GALNT1: variants seen among roughly 807,000 people sequenced by gnomAD.
GALNT1 encodes the protein polypeptide N-acetylgalactosaminyltransferase 1, also known as GalNAc transferase 1.
GALNT1 carries 17 observed loss-of-function variants against 65.7 expected under a neutral mutation model. That is an observed-to-expected ratio of 0.26 (90% confidence interval 0.18 to 0.39). The LOEUF is 0.39. GALNT1 is among the 10% of genes least tolerant of loss of function. The pLI, the probability that GALNT1 is intolerant of heterozygous loss-of-function variation, is 1.00. For synonymous variants in GALNT1, 210 were observed against 219.7 expected (o/e 0.96, Z 0.39); for missense variants, 460 against 672.8 (o/e 0.68, Z 3.50).
chr18:35,648,748 A>G (rs1289512614), intron 1 of GALNT1, among the ~76,000 whole-genome samples: 2 of 152,148 alleles, frequency 1.3e-5, no homozygotes, highest in Non-Finnish European at 2.9e-5. Flanking sequence ...GTTGATTGAG[A>G]TTGAATTTAT....
chr18:35,674,707 A>G (rs1410003159), intron 3 of GALNT1, among the ~76,000 whole-genome samples: 1 of 152,124 alleles, frequency 6.6e-6, no homozygotes, highest in South Asian at 2.1e-4. Flanking sequence ...AAACTGGCGG[A>G]GTGCAGTGGC....
upstream of GALNT1, chr18:35,581,726 G>A (rs1156388168): frequency 7.6e-5 from 11 of 144,002 alleles, no homozygotes; most frequent in East Asian, 1.7e-3. Context: ...CCGCCCGCCG[G>A]GGGAGCCGCC....
At position 35,601,549 on chromosome 18, in the gene GALNT1, A is replaced by C. The variant is rs564324984; in HGVS notation, c.-104+19687A>C. Among the ~76,000 whole-genome samples, 3 of 151,790 alleles carry C rather than the reference A, an allele frequency of 2.0e-5. No individual in the cohort carries two copies. In the South Asian group the frequency reaches 6.3e-4, roughly 32 times the overall value. ...TAGGTTGTTTATTTGAAATCTTTCTACTGTTTTGATGTAGATGTTTATTTC... is the reference window on the plus strand; with the variant it reads ...TAGGTTGTTTATTTGAAATCTTTCTCCTGTTTTGATGTAGATGTTTATTTC... On this transcript the variant is annotated intron_variant, in intron 1 of 11. Transcript: ENST00000269195.
intron 1 of GALNT1, among the ~76,000 whole-genome samples, chr18:35,620,559 C>T (rs1315927009): frequency 1.3e-5 from 2 of 152,148 alleles, no homozygotes; most frequent in African/African-American, 4.8e-5. Context: ...GTATTATCCT[C>T]ATGCATATTA....
At chr18:35,671,047 A>T (rs1288812929) in intron 3 of GALNT1, among the ~76,000 whole-genome samples, 1 of 152,204 alleles carries the variant, frequency 6.6e-6, no homozygotes. Context: ...AAATATCTTT[A>T]TGATCTTGGG....
chr18:35,629,306 G>A (rs933888982), intron 1 of GALNT1, among the ~76,000 whole-genome samples: 3 of 152,156 alleles, frequency 2.0e-5, no homozygotes, highest in African/African-American at 7.2e-5. Flanking sequence ...AATATTAAGG[G>A]CAGCCAGAGA....
intron 1 of GALNT1, among the ~76,000 whole-genome samples, chr18:35,621,875 A>G (rs1489276164): frequency 6.6e-6 from 1 of 152,200 alleles, no homozygotes; most frequent in East Asian, 1.9e-4. Flanking sequence ...TCTCTGTCAT[A>G]TATGAAGTTT....
intron 11 of GALNT1, among the ~76,000 whole-genome samples, chr18:35,704,435 A>G (rs2048220110): frequency 6.6e-6 from 1 of 151,290 alleles, no homozygotes. Flanking sequence ...CAGCCTCTAG[A>G]GGAGCTGGGA....
chr18:35,615,634 A>C (rs1374288476), intron 1 of GALNT1, among the ~76,000 whole-genome samples: 1 of 152,204 alleles, frequency 6.6e-6, no homozygotes, highest in Non-Finnish European at 1.5e-5. Flanking sequence ...ATACACAAGT[A>C]GAATATATTT....
intron 2 of GALNT1, among the ~76,000 whole-genome samples, chr18:35,656,102 TC>T (rs1477188047): frequency 1.1e-4 from 16 of 152,374 alleles, no homozygotes; most frequent in African/African-American, 3.8e-4. Context: ...GTATTACGAT[TC>T]ATCAGTCAGA....
intron 3 of GALNT1, among the ~76,000 whole-genome samples, chr18:35,674,712 A>G (rs970077107): frequency 5.9e-5 from 9 of 152,174 alleles, no homozygotes; most frequent in Non-Finnish European, 7.4e-5. Context: ...GGCGGAGTGC[A>G]GTGGCTCACG....
intron 1 of GALNT1, among the ~76,000 whole-genome samples, chr18:35,641,525 A>T (rs12959887): frequency 1.3e-5 from 2 of 152,194 alleles, no homozygotes; most frequent in African/African-American, 4.8e-5. Context: ...CAAGAAAAAC[A>T]CAAAACAACA....
chr18:35,653,801 G>A (rs1202357889), intron 1 of GALNT1, among the ~76,000 whole-genome samples: 1 of 152,206 alleles, frequency 6.6e-6, no homozygotes, highest in Non-Finnish European at 1.5e-5. Context: ...GGAGGTAGTA[G>A]GGTGGGAAAT....
chr18:35,625,886 G>T (rs914277905), intron 1 of GALNT1, among the ~76,000 whole-genome samples: 21 of 152,100 alleles, frequency 1.4e-4, no homozygotes, highest in African/African-American at 5.1e-4. Context: ...AGTATGAGAA[G>T]AAATTAGTAA....
rs139230890 is a variant in GALNT1 at position 35,640,956 on chromosome 18, T to C, written c.-103-13604T>C. Among the ~76,000 whole-genome samples, 68 of 152,346 alleles carry C rather than the reference T, an allele frequency of 4.5e-4. No individual in the cohort carries two copies. In the East Asian group the frequency reaches 0.013, roughly 28 times the overall value. ...TAATGATTTCTAGATAGAGAAGATT[T>C]TCTTAAAACATAGAAAATATGAACC... On this transcript the variant is annotated intron_variant, in intron 1 of 11. Transcript: ENST00000269195.
chr18:35,632,764 A>G (rs1033744199), intron 1 of GALNT1, among the ~76,000 whole-genome samples: 5 of 152,200 alleles, frequency 3.3e-5, no homozygotes, highest in Admixed American at 6.5e-5. Context: ...TGAACAGGCA[A>G]CCTACAGAAT....
chr18:35,677,023 C>G (rs1598803173), intron 3 of GALNT1, among the ~76,000 whole-genome samples: 1 of 152,184 alleles, frequency 6.6e-6, no homozygotes, highest in Admixed American at 6.5e-5. Context: ...GTTGGAACAG[C>G]AGGGCATGGG....
intron 9 of GALNT1, among the ~76,000 whole-genome samples, chr18:35,695,855 A>G (rs1301768650): frequency 6.6e-6 from 1 of 151,898 alleles, no homozygotes; most frequent in Non-Finnish European, 1.5e-5. Context: ...TCTAGCAGTC[A>G]CTCTGCAGCT....
intron 9 of GALNT1, among the ~76,000 whole-genome samples, chr18:35,700,103 C>T (rs2048133313): frequency 6.6e-6 from 1 of 152,134 alleles, no homozygotes; most frequent in Admixed American, 6.5e-5. Flanking sequence ...TTTCCATGTC[C>T]TTGAGGAAAA....
Sources: allele counts gnomAD v4.1 joint callset (sites outside exome capture counted in the v4.1 genomes callset), GRCh38; gene constraint gnomAD v4.1.1; transcripts MANE v1.5; gene names NCBI Gene and HGNC (gene_info 2026-07-23, HGNC 2026-07-21).